The following NOS1AP variants were observed in gnomAD, a reference collection of about 807,000 sequenced individuals.
The protein encoded by NOS1AP is carboxyl-terminal PDZ ligand of neuronal nitric oxide synthase protein.
A neutral mutation model predicts 56.2 loss-of-function variants in NOS1AP; 21 were observed. The observed-to-expected ratio is 0.37, with a 90% CI of 0.26 to 0.54. The LOEUF is 0.54. Ranked by LOEUF, NOS1AP falls within the 20% of genes least tolerant of loss-of-function variation. The pLI, the probability that NOS1AP is intolerant of heterozygous loss-of-function variation, is 0.84. For missense variants in NOS1AP, 522 were observed against 657.8 expected, an observed-to-expected ratio of 0.79 and a Z score of 2.26; for synonymous variants, 270 against 274.6, an observed-to-expected ratio of 0.98 and a Z score of 0.17.
intron 2 of NOS1AP, among the ~76,000 whole-genome samples, chr1:162,252,023 C>T (rs564403186): frequency 1.7e-4 from 26 of 151,676 alleles, no homozygotes; most frequent in Non-Finnish European, 3.5e-4. Flanking sequence ...AGAAAAGGTT[C>T]AGGGGGTAAA....
In NOS1AP at chr1:162,343,826, C is replaced by A; in HGVS notation, c.454-9C>A. 1 of 1,614,152 alleles carries A rather than the reference C, an allele frequency of 6.2e-7. No individual in the cohort carries two copies. The highest frequency in any genetic ancestry group is 1.1e-5 in the South Asian group (1 of 91,032). ...CACCCATCCTGTTCTTCTCCTTTCT[C>A]CTTCCCAGAGCCAAGCTATGAGAAT... On this transcript the variant is annotated splice_polypyrimidine_tract_variant and intron_variant, in intron 5 of 9. Coordinates refer to ENST00000361897, the MANE Select transcript of NOS1AP (RefSeq NM_014697.3).
intron 2 of NOS1AP, among the ~76,000 whole-genome samples, chr1:162,200,610 A>T (rs1651962806): frequency 6.6e-6 from 1 of 152,174 alleles, no homozygotes; most frequent in African/African-American, 2.4e-5. Flanking sequence ...AGGGTTTGGA[A>T]AGGGCTGGAC....
At chr1:162,103,925 A>T (rs1169276317) in intron 1 of NOS1AP, among the ~76,000 whole-genome samples, 1 of 152,164 alleles carries the variant, frequency 6.6e-6, no homozygotes, top group Non-Finnish European at 1.5e-5. Context: ...TAGTATTGTG[A>T]TACGTGAATT....
chr1:162,088,968 C>T (rs1236754269), intron 1 of NOS1AP, among the ~76,000 whole-genome samples: 4 of 152,174 alleles, frequency 2.6e-5, no homozygotes, highest in African/African-American at 9.7e-5. Context: ...CGCCATTCTC[C>T]TTCCCCTTCA....
chr1:162,262,278 A>G (rs561758924), intron 2 of NOS1AP, among the ~76,000 whole-genome samples: 5 of 152,198 alleles, frequency 3.3e-5, no homozygotes. Flanking sequence ...TATAAGCTAG[A>G]GAGATAACAA....
At chr1:162,096,454 G>A (rs377158335) in intron 1 of NOS1AP, among the ~76,000 whole-genome samples, 4 of 151,836 alleles carry the variant, frequency 2.6e-5, no homozygotes, top group South Asian at 2.1e-4. Context: ...AAAAATATAC[G>A]TAATATAAAG....
chr1:162,275,103 A>C (rs1654694798), intron 2 of NOS1AP, among the ~76,000 whole-genome samples: 1 of 152,146 alleles, frequency 6.6e-6, no homozygotes, highest in Admixed American at 6.5e-5. Context: ...TTTTTTATGG[A>C]TCATGCTTTT....
intron 2 of NOS1AP, among the ~76,000 whole-genome samples, chr1:162,282,688 A>G (rs1194555211): frequency 6.6e-6 from 1 of 152,230 alleles, no homozygotes; most frequent in Non-Finnish European, 1.5e-5. Context: ...TAGACAGAAT[A>G]TGATTGGAAT....
intron 2 of NOS1AP, among the ~76,000 whole-genome samples, chr1:162,251,301 T>C (rs987302642): frequency 6.6e-6 from 1 of 152,084 alleles, no homozygotes; most frequent in African/African-American, 2.4e-5. Context: ...TGTCACATCT[T>C]CCCTGAGTTC....
intron 7 of NOS1AP, among the ~76,000 whole-genome samples, chr1:162,356,528 A>T (rs2101820947): frequency 6.6e-6 from 1 of 152,270 alleles, no homozygotes; most frequent in South Asian, 2.1e-4. Flanking sequence ...TGGAGGAGGG[A>T]GCCCTAAGGA....
At chr1:162,321,744 A>G (rs1656429743) in intron 4 of NOS1AP, among the ~76,000 whole-genome samples, 1 of 147,850 alleles carries the variant, frequency 6.8e-6, no homozygotes. Context: ...ATATATATAT[A>G]TATATATAAA....
At chr1:162,352,299 C>T (rs1480981143) in intron 6 of NOS1AP, among the ~76,000 whole-genome samples, 3 of 152,020 alleles carry the variant, frequency 2.0e-5, no homozygotes, top group Admixed American at 6.6e-5. Flanking sequence ...GCTCAGGTGA[C>T]CCACCCACCC....
chr1:162,106,444 T>C (rs1311613149), intron 1 of NOS1AP, among the ~76,000 whole-genome samples: 1 of 152,188 alleles, frequency 6.6e-6, no homozygotes, highest in East Asian at 1.9e-4. Context: ...TTTAAAAACT[T>C]ACATTTTCTT....
chr1:162,320,699 G>GA (rs1309301135), intron 4 of NOS1AP, among the ~76,000 whole-genome samples: 11 of 151,744 alleles, frequency 7.2e-5, no homozygotes, highest in Non-Finnish European at 1.5e-4. Context: ...ACTAAAAATA[G>GA]AAAAATTAGC....
chr1:162,198,642 C>G (rs911086909), intron 2 of NOS1AP, among the ~76,000 whole-genome samples: 3 of 152,150 alleles, frequency 2.0e-5, no homozygotes, highest in South Asian at 2.1e-4. Flanking sequence ...CAAAATGCAG[C>G]AAATCTCTAA....
chr1:162,282,501 C>T (rs202210647), intron 2 of NOS1AP, among the ~76,000 whole-genome samples: 2 of 144,408 alleles, frequency 1.4e-5, no homozygotes, highest in African/African-American at 5.1e-5. Flanking sequence ...ATTGTAAATA[C>T]TGCTGTGAAC....
rs1003673590 is a variant in NOS1AP, at chr1:162,334,995, G to A, written c.453+1870G>A. Among the ~76,000 whole-genome samples, 3 of 150,422 alleles carry A rather than the reference G, an allele frequency of 2.0e-5. No individual in the cohort carries two copies. The Admixed American group carries it at 2.0e-4, about 10-fold the overall frequency. On this transcript the variant is annotated intron_variant, in intron 5 of 9. Coordinates refer to ENST00000361897, the MANE Select transcript of NOS1AP (RefSeq NM_014697.3). ...GCTATCAGATCTAACATAGCAATAC[G>A]GACGCAGTGGGGGCATCCACTTCTG...
intron 6 of NOS1AP, among the ~76,000 whole-genome samples, chr1:162,348,295 A>T (rs1657368794): frequency 6.6e-6 from 1 of 152,204 alleles, no homozygotes; most frequent in African/African-American, 2.4e-5. Flanking sequence ...AGGAATGATG[A>T]CACTTGGTGT....
chr1:162,352,404 T>C (rs1490636268), intron 6 of NOS1AP, among the ~76,000 whole-genome samples: 1 of 150,392 alleles, frequency 6.6e-6, no homozygotes, highest in African/African-American at 2.4e-5. Flanking sequence ...GAATTTCTCC[T>C]GGACTTGCCC....
Sources: gnomAD v4.1 joint callset for allele counts (sites outside exome capture counted in the v4.1 genomes callset) on GRCh38, gnomAD v4.1.1 for gene constraint, MANE v1.5 for transcripts, NCBI Gene and HGNC (gene_info 2026-07-23, HGNC 2026-07-21) for gene names.